The following LYPLAL1 variants were observed in gnomAD, a reference collection of about 807,000 sequenced individuals.
LYPLAL1 encodes the protein lysophospholipase-like protein 1.
A neutral mutation model predicts 19.7 loss-of-function variants in LYPLAL1; 23 were observed. The ratio of observed to expected loss-of-function variants is 1.17; its 90% CI spans 0.84 to 1.65. LYPLAL1 has a LOEUF of 1.65. LYPLAL1 is among the 40% of genes most tolerant of loss of function. LYPLAL1 has a pLI of 0.00. For synonymous variants in LYPLAL1, 119 were observed against 96.3 expected (o/e 1.24, Z -1.38); for missense variants, 355 against 279.4 (o/e 1.27, Z -1.93).
the LYPLAL1 span, among the ~76,000 whole-genome samples, chr1:219,220,272 T>A: frequency 3.3e-5 from 5 of 152,182 alleles, no homozygotes; most frequent in African/African-American, 1.2e-4. Context: ...AATTAGCCAT[T>A]ATCTTTTTGA....
the LYPLAL1 span, among the ~76,000 whole-genome samples, chr1:219,284,051 T>C: frequency 1.3e-5 from 2 of 152,166 alleles, no homozygotes; most frequent in Non-Finnish European, 2.9e-5. Flanking sequence ...ATGTGCATGA[T>C]AGTGAGTAAG....
chr1:219,193,048 TC>T, intron 2 of LYPLAL1, 33 bp from the exon 3 acceptor site: 3 of 1,242,386 alleles, frequency 2.4e-6, no homozygotes, highest in Non-Finnish European at 3.2e-6. Context: ...CCTTTTCCTT[TC>T]TTTTTTTTTG....
the LYPLAL1 span, among the ~76,000 whole-genome samples, chr1:219,340,183 A>G: frequency 6.6e-6 from 1 of 152,072 alleles, no homozygotes. Context: ...ACCAATTACT[A>G]TCGTTGTGGG....
chr1:219,214,867 C>CT (rs1345639093), downstream of LYPLAL1, among the ~76,000 whole-genome samples: 2 of 151,568 alleles, frequency 1.3e-5, no homozygotes, highest in African/African-American at 4.8e-5. Flanking sequence ...TTTTTGTATT[C>CT]TTAATAGAGA....
At chr1:219,294,253 G>A in the LYPLAL1 span, among the ~76,000 whole-genome samples, 1 of 152,218 alleles carries the variant, frequency 6.6e-6, no homozygotes. Flanking sequence ...TTTCAAATCT[G>A]TATGACTTCT....
intron 3 of LYPLAL1, among the ~76,000 whole-genome samples, chr1:219,204,095 A>G (rs1658347110): frequency 6.6e-6 from 1 of 152,204 alleles, no homozygotes; most frequent in African/African-American, 2.4e-5. Context: ...GGTTCCTTGG[A>G]GACATTCATG....
chr1:219,349,684 C>A, the LYPLAL1 span, among the ~76,000 whole-genome samples: 1 of 152,028 alleles, frequency 6.6e-6, no homozygotes, highest in East Asian at 1.9e-4. Context: ...AAGAGGGCAG[C>A]ATGAAAACAA....
chr1:219,232,168 C>T, the LYPLAL1 span, among the ~76,000 whole-genome samples: 1 of 152,032 alleles, frequency 6.6e-6, no homozygotes, highest in East Asian at 1.9e-4. Flanking sequence ...CTGTGTTCAC[C>T]TGAAGTCTGT....
the LYPLAL1 span, among the ~76,000 whole-genome samples, chr1:219,283,678 A>C: frequency 6.6e-6 from 1 of 152,052 alleles, no homozygotes; most frequent in Non-Finnish European, 1.5e-5. Context: ...AGGAAAGGCA[A>C]AAAAAAATTT....
downstream of LYPLAL1, among the ~76,000 whole-genome samples, chr1:219,214,204 C>T (rs1044104937): frequency 3.5e-4 from 54 of 152,136 alleles, no homozygotes; most frequent in African/African-American, 1.1e-3. Flanking sequence ...ATTGCGTTAG[C>T]TTTGCATTCC....
chr1:219,335,512 G>A, the LYPLAL1 span, among the ~76,000 whole-genome samples: 1 of 151,840 alleles, frequency 6.6e-6, no homozygotes, highest in East Asian at 1.9e-4. Flanking sequence ...CATAAAGTGC[G>A]ATATGTAATT....
the LYPLAL1 span, among the ~76,000 whole-genome samples, chr1:219,232,864 TAAAAA>T: frequency 1.4e-5 from 2 of 144,494 alleles, no homozygotes; most frequent in African/African-American, 5.1e-5. Flanking sequence ...GGCTACTATT[TAAAAA>T]AAAAAAAAAG....
chr1:219,399,734 G>A, the LYPLAL1 span, among the ~76,000 whole-genome samples: 1 of 152,116 alleles, frequency 6.6e-6, no homozygotes, highest in Admixed American at 6.5e-5. Flanking sequence ...TGGGGTCCCA[G>A]GAGAGGCCAG....
At chr1:219,217,510 G>C (rs1263601090), downstream of LYPLAL1, among the ~76,000 whole-genome samples, 1 of 151,868 alleles carries the variant, frequency 6.6e-6, no homozygotes, top group Non-Finnish European at 1.5e-5. Context: ...CTAATTAGCT[G>C]TTAGGATATT....
the LYPLAL1 span, among the ~76,000 whole-genome samples, chr1:219,260,746 C>G: frequency 6.6e-6 from 1 of 150,484 alleles, no homozygotes; most frequent in Non-Finnish European, 1.5e-5. Context: ...ATAAAAAAAG[C>G]CTTATAATCT....
At chr1:219,272,152 T>G in the LYPLAL1 span, 1 of 152,298 alleles carries the variant, frequency 6.6e-6, no homozygotes. Context: ...GCTTCTACAC[T>G]TATGCAGCAG....
intron 1 of LYPLAL1, among the ~76,000 whole-genome samples, chr1:219,176,643 A>G (rs1048544806): frequency 6.6e-6 from 1 of 152,128 alleles, no homozygotes; most frequent in African/African-American, 2.4e-5. Flanking sequence ...GGGTTTCTCT[A>G]AATTTGGTCC....
chr1:219,301,983 AAG>A, the LYPLAL1 span, among the ~76,000 whole-genome samples: 18 of 151,144 alleles, frequency 1.2e-4, no homozygotes, highest in Admixed American at 4.6e-4. Flanking sequence ...CAGAATGAAA[AAG>A]AGAGAGAGAG....
chr1:219,393,846 T>C, the LYPLAL1 span, among the ~76,000 whole-genome samples: 2 of 151,572 alleles, frequency 1.3e-5, no homozygotes, highest in Non-Finnish European at 2.9e-5. Flanking sequence ...TTGTCACTTT[T>C]GGCTTTTTAA....
Sources: gnomAD v4.1 joint callset for allele counts (sites outside exome capture counted in the v4.1 genomes callset) on GRCh38, gnomAD v4.1.1 for gene constraint, MANE v1.5 for transcripts, NCBI Gene and HGNC (gene_info 2026-07-23, HGNC 2026-07-21) for gene names.